Variants in PCDHGA3 observed in about 807,000 individuals in gnomAD.
The protein encoded by PCDHGA3 is protocadherin gamma subfamily A, 3.
Under a neutral mutation model 58.5 loss-of-function variants are expected in PCDHGA3, and 40 were observed. The ratio of observed to expected loss-of-function variants is 0.68; its 90% CI spans 0.53 to 0.89. The LOEUF (loss-of-function observed/expected upper bound fraction) is 0.89. Ranked by LOEUF, PCDHGA3 falls within the 40% of genes least tolerant of loss-of-function variation. The pLI is 0.00. For missense variants in PCDHGA3, 1,223 were observed against 1,195.9 expected (o/e 1.02, Z -0.33); for synonymous variants, 530 against 525.7 (o/e 1.01, Z -0.11).
intron 1 of PCDHGA3, chr5:141,400,023 C>T (rs755667675): frequency 1.1e-5 from 18 of 1,612,872 alleles, no homozygotes; most frequent in Non-Finnish European, 1.3e-5. Context: ...GCGACAGGGA[C>T]GCGGCCCGCC....
chr5:141,435,760 T>C (rs1241767830), intron 1 of PCDHGA3, among the ~76,000 whole-genome samples: 1 of 152,172 alleles, frequency 6.6e-6, no homozygotes, highest in Non-Finnish European at 1.5e-5. Context: ...TTGATTTCTT[T>C]TGGTGAATTC....
At chr5:141,473,010 AAAAG>A (rs1014377988) in intron 1 of PCDHGA3, among the ~76,000 whole-genome samples, 22 of 151,958 alleles carry the variant, frequency 1.4e-4, no homozygotes, top group Admixed American at 7.9e-4. Context: ...AAGAAAAAGA[AAAAG>A]AAAGAAGGAA....
chr5:141,347,137 C>CTCTTTCTTTCTCTCTTTCTTTCTT, intron 1 of PCDHGA3, among the ~76,000 whole-genome samples: 1 of 113,834 alleles, frequency 8.8e-6, no homozygotes, highest in East Asian at 2.4e-4. Flanking sequence ...CTCTGTTTCT[C>CTCTTTCTTTCTCTCTTTCTTTCTT]TCTTTCTTTC....
intron 1 of PCDHGA3, chr5:141,390,115 G>A: frequency 1.2e-6 from 2 of 1,614,036 alleles, no homozygotes; most frequent in Non-Finnish European, 1.7e-6. Flanking sequence ...TACAGCGAGG[G>A]GACTTTGCCT....
At chr5:141,428,102 G>A (rs774075619) in intron 1 of PCDHGA3, 1 of 1,608,518 alleles carries the variant, frequency 6.2e-7, no homozygotes, top group Non-Finnish European at 8.5e-7. Context: ...CCTACCACGT[G>A]CTGCAGGCCA....
chr5:141,418,938 C>A, intron 1 of PCDHGA3: 3 of 1,613,738 alleles, frequency 1.9e-6, no homozygotes, highest in Non-Finnish European at 2.5e-6. Flanking sequence ...ATGGAGGATT[C>A]CCCTCCAGGA....
chr5:141,409,883 C>CGGGTGCTGTACCCAGCTCT, intron 1 of PCDHGA3: 1 of 1,612,988 alleles, frequency 6.2e-7, no homozygotes, highest in Non-Finnish European at 8.5e-7. Context: ...CAACGCACCG[C>CGGGTGCTGTACCCAGCTCT]GGGTGCTGTA....
chr5:141,361,548 C>A lies in PCDHGA3; in HGVS notation c.2424+15091C>A, dbSNP rs374369531. The A allele has an allele frequency of 5.5e-5, 88 of 1,613,976 alleles. 1 individual carries two copies. Among genetic ancestry groups the A allele is most frequent in the South Asian group, 2.1e-4 (19 of 91,092 alleles). ...AGAACAATCCTCCTGGCGCCTCTAT[C>A]GCTCAAATCAGTGCCTCTGACCCTG... On this transcript the variant is annotated intron_variant, in intron 1 of 3. Coordinates refer to ENST00000253812, the MANE Select transcript of PCDHGA3 (RefSeq NM_018916.4).
chr5:141,423,689 G>A (rs2096767103), intron 1 of PCDHGA3: 2 of 1,400,130 alleles, frequency 1.4e-6, no homozygotes, highest in Non-Finnish European at 9.4e-7. Context: ...CCTCCTAATT[G>A]TTGGTGTCTT....
intron 1 of PCDHGA3, among the ~76,000 whole-genome samples, chr5:141,460,983 GTA>G (rs59296681): frequency 1.2e-4 from 16 of 137,836 alleles, no homozygotes; most frequent in East Asian, 2.1e-4. Context: ...GTGTGTGTGT[GTA>G]TATATATATA....
intron 1 of PCDHGA3, among the ~76,000 whole-genome samples, chr5:141,466,627 C>G (rs1448245449): frequency 6.6e-6 from 1 of 152,154 alleles, no homozygotes; most frequent in African/African-American, 2.4e-5. Flanking sequence ...TTCTTTGGAG[C>G]ATTGTCTCCA....
rs79464787 is a variant in PCDHGA3, at chr5:141,480,455, T to C, written c.2425-14352T>C. Among the ~76,000 whole-genome samples the C allele has an allele frequency of 7.4e-3, 1,134 of 152,274 alleles. 17 individuals are homozygous for C. The highest frequency in any genetic ancestry group is 0.026 in the African/African-American group (1,086 of 41,548). ...CAGCTATTACTATAATTATTTTTAT[T>C]AGTTCCTCACTCACCTAAAATCTCA... On this transcript the variant is annotated intron_variant, in intron 1 of 3. Transcript: ENST00000253812.
chr5:141,443,167 C>T (rs745545091), intron 1 of PCDHGA3, among the ~76,000 whole-genome samples: 4 of 152,084 alleles, frequency 2.6e-5, no homozygotes, highest in Non-Finnish European at 5.9e-5. Flanking sequence ...TTTCCCTACC[C>T]ATGTCCACTG....
chr5:141,489,894 G>T lies in PCDHGA3; in HGVS notation c.2425-4913G>T. 1.2e-6 allele frequency: 2 copies of T among 1,614,204 alleles called. No homozygotes were observed. Among genetic ancestry groups the T allele is most frequent in the Non-Finnish European group, 1.7e-6 (2 of 1,180,028 alleles). The stretch of plus-strand genomic sequence containing the variant: ...TGGTGCTTACTGCTGTGGATGGGGG[G>T]ACCCCAGCCCGCTCAGGGACCACCC... On this transcript the variant is annotated intron_variant, in intron 1 of 3. Transcript: ENST00000253812. The surrounding 1 kb of genome is among the most constrained non-coding windows in gnomAD (Gnocchi z 4.5).
intron 1 of PCDHGA3, chr5:141,415,500 C>G (rs754684999): frequency 6.2e-6 from 10 of 1,614,074 alleles, no homozygotes; most frequent in Non-Finnish European, 8.5e-6. Context: ...TGATCTTCCC[C>G]CAGCCCAATT....
intron 1 of PCDHGA3, chr5:141,366,943 A>G (rs1481461689): frequency 3.9e-6 from 3 of 775,624 alleles, no homozygotes; most frequent in Non-Finnish European, 5.9e-6. Context: ...AGTCTAGCTG[A>G]TATCTGTAGA....
chr5:141,482,102 A>T (rs1016315214), intron 1 of PCDHGA3, among the ~76,000 whole-genome samples: 13 of 151,860 alleles, frequency 8.6e-5, no homozygotes, highest in African/African-American at 2.7e-4. Context: ...AAAAAAAAAA[A>T]AAATATCTAG....
At position 141,410,026 on chromosome 5, in the gene PCDHGA3, G is replaced by A. The variant is rs571122351; in HGVS notation, c.2424+63569G>A. 37 of 1,613,302 alleles carry A rather than the reference G, an allele frequency of 2.3e-5. 2 individuals carry two copies. The East Asian group carries it at 8.0e-4, about 35-fold the overall frequency. On this transcript the variant is annotated intron_variant, in intron 1 of 3. Coordinates refer to ENST00000253812, the MANE Select transcript of PCDHGA3 (RefSeq NM_018916.4). ...ACAACGCCTGGCTGTCCTACCACGTGCTGCAGGCCAGTGAGCCCGGACTCT... is the reference window on the plus strand; with the variant it reads ...ACAACGCCTGGCTGTCCTACCACGTACTGCAGGCCAGTGAGCCCGGACTCT...
chr5:141,510,825 G>C, intron 3 of PCDHGA3, 122 bp from the exon 4 acceptor site: 2 of 1,566,486 alleles, frequency 1.3e-6, no homozygotes, highest in Non-Finnish European at 1.7e-6. Flanking sequence ...TATATTCCCA[G>C]TGCTCAGCGT....
Sources: allele counts gnomAD v4.1 joint callset (sites outside exome capture counted in the v4.1 genomes callset), GRCh38; gene constraint gnomAD v4.1.1; non-coding constraint Gnocchi (gnomAD v3.1); transcripts MANE v1.5; gene names NCBI Gene and HGNC (gene_info 2026-07-23, HGNC 2026-07-21).